The following CDC45 variants were observed in gnomAD, a reference collection of about 807,000 sequenced individuals.
The protein encoded by CDC45 is cell division cycle 45.
Under a neutral mutation model 77.8 loss-of-function variants are expected in CDC45, and 54 were observed. The ratio of observed to expected loss-of-function variants is 0.69; its 90% CI spans 0.56 to 0.87. The LOEUF is 0.87. Among genes scored for constraint, CDC45 ranks in the 40% least tolerant of loss-of-function variants. The probability of loss-of-function intolerance (pLI) is 0.00; values close to 1 mark genes in which losing one functional copy is unlikely to be tolerated. For synonymous variants in CDC45, 260 were observed against 272.1 expected, an observed-to-expected ratio of 0.96 and a Z score of 0.44; for missense variants, 649 against 721.6, an observed-to-expected ratio of 0.90 and a Z score of 1.15.
In CDC45 at chr22:19,480,180, C is replaced by T. The variant is rs2089953249; in HGVS notation, c.74C>T (p.Ser25Leu). 3 of 1,613,904 alleles carry T rather than the reference C, an allele frequency of 1.9e-6. No homozygotes were observed. The African/African-American group carries it at 4.0e-5, about 22-fold the overall frequency. Residue 25 changes from serine to leucine, a missense_variant, in exon 2 of 19, where the codon TCG becomes TTG. Transcript: ENST00000263201. ...TAGAGGGTCCTTCTCTTCGTGGCCT[C>T]GGACGTGGATGCTCTGTGTGCGTGC... Reference protein sequence around the residue: ...QSQRVLLFVASDVDALCACKI... With the variant: ...QSQRVLLFVALDVDALCACKI...
At chr22:19,516,366 A>C in intron 15 of CDC45, 161 bp from the exon 16 acceptor site, 1 of 671,418 alleles carries the variant, frequency 1.5e-6, no homozygotes, top group South Asian at 1.7e-5. Flanking sequence ...GGCCTTGGGC[A>C]TCTAACTTGG....
At chr22:19,493,999 T>C (rs1203406627) in intron 5 of CDC45, among the ~76,000 whole-genome samples, 3 of 152,142 alleles carry the variant, frequency 2.0e-5, no homozygotes, top group Admixed American at 2.0e-4. Flanking sequence ...ACAAAGTGGG[T>C]GTGAGCTTAC....
At chr22:19,503,169 AAAAAG>A (rs1292443706) in intron 9 of CDC45, among the ~76,000 whole-genome samples, 8 of 152,160 alleles carry the variant, frequency 5.3e-5, no homozygotes, top group Non-Finnish European at 7.3e-5. Flanking sequence ...CCTGTTTTAA[AAAAAG>A]AAAGCAGGCA....
At chr22:19,487,691 A>T (rs1338059045) in intron 5 of CDC45, among the ~76,000 whole-genome samples, 7 of 151,934 alleles carry the variant, frequency 4.6e-5, no homozygotes, top group African/African-American at 1.7e-4. Context: ...AGGTGGGTGG[A>T]TCACGAGGTC....
intron 13 of CDC45, among the ~76,000 whole-genome samples, chr22:19,510,261 G>C (rs1165570568): frequency 6.6e-6 from 1 of 151,932 alleles, no homozygotes; most frequent in Non-Finnish European, 1.5e-5. Flanking sequence ...TGCCCAGCCT[G>C]CAATGACTTT....
chr22:19,507,861 T>G lies in CDC45; in HGVS notation c.1052T>G (p.Phe351Cys), dbSNP rs780209184. ...REMIEESANK[F>C]GMKDMRVQTF... ...ATGATTGAAGAGTCTGCAAATAAAT[T>G]TGGGTAAACACACATTTTTCTGGAT... The change falls in exon 12 of 19, where the codon TTT (phenylalanine) becomes TGT (cysteine). Residue 351 changes from phenylalanine to cysteine, a missense_variant. Phe to Cys is a radical substitution (Grantham distance 205, BLOSUM62 -2). Coordinates refer to ENST00000263201, the MANE Select transcript of CDC45 (RefSeq NM_003504.5). 3 of 1,593,522 alleles carry G rather than the reference T, an allele frequency of 1.9e-6. No homozygotes were observed. The highest frequency in any genetic ancestry group is 2.6e-6 in the Non-Finnish European group (3 of 1,168,496).
chr22:19,479,521 T>G (rs13447178), upstream of CDC45: 2 of 569,618 alleles, frequency 3.5e-6, no homozygotes, highest in Non-Finnish European at 6.8e-6. Flanking sequence ...TACAAATCCT[T>G]CTTCAAACCA....
At chr22:19,506,258 G>C (rs1162993239) in intron 10 of CDC45, among the ~76,000 whole-genome samples, 1 of 152,178 alleles carries the variant, frequency 6.6e-6, no homozygotes, top group African/African-American at 2.4e-5. Flanking sequence ...GTGGCCATCG[G>C]AGCCTGGGGA....
At chr22:19,485,962 G>A (rs140177263) in intron 5 of CDC45, among the ~76,000 whole-genome samples, 52 of 152,288 alleles carry the variant, frequency 3.4e-4, no homozygotes, top group African/African-American at 1.1e-3. Context: ...TTCTTTCTGT[G>A]TATTCTTTTT....
chr22:19,494,632 C>A (rs1183285843), intron 6 of CDC45: 5 of 1,393,612 alleles, frequency 3.6e-6, no homozygotes, highest in Admixed American at 2.0e-5. Context: ...GACCATGGCC[C>A]TGGCTCTTTA....
At chr22:19,486,224 C>A (rs1375518390) in intron 5 of CDC45, among the ~76,000 whole-genome samples, 5 of 152,170 alleles carry the variant, frequency 3.3e-5, no homozygotes, top group Non-Finnish European at 5.9e-5. Context: ...TCATAAGCAG[C>A]TCCTAAGAAT....
chr22:19,499,165 C>T lies in CDC45; in HGVS notation c.704+14C>T. 6.2e-7 allele frequency: 1 copy of T among 1,613,784 alleles called. No homozygotes were observed. The highest frequency in any genetic ancestry group is 8.5e-7 in the Non-Finnish European group (1 of 1,179,736). ...CAAGATCACTCAGTAAGGACACACT[C>T]CCTTGCCTTGCAGGGTCAGCCCTGT... On this transcript the variant is annotated intron_variant, in intron 9 of 18. Transcript: ENST00000263201.
At chr22:19,510,446 T>G (rs1023695192) in intron 13 of CDC45, among the ~76,000 whole-genome samples, 1 of 152,218 alleles carries the variant, frequency 6.6e-6, no homozygotes, top group Non-Finnish European at 1.5e-5. Flanking sequence ...ATATAAGATA[T>G]GGTTCTTTGT....
At chr22:19,485,445 G>C (rs1412567245) in intron 5 of CDC45, among the ~76,000 whole-genome samples, 1 of 152,210 alleles carries the variant, frequency 6.6e-6, no homozygotes, top group African/African-American at 2.4e-5. Context: ...ATGGAGCCAA[G>C]AGGATTCCTG....
chr22:19,512,940 G>A (rs1601984390), intron 13 of CDC45, among the ~76,000 whole-genome samples: 1 of 152,302 alleles, frequency 6.6e-6, no homozygotes, highest in African/African-American at 2.4e-5. Flanking sequence ...TGGCAGAAGG[G>A]GAGCTGGTGG....
chr22:19,502,501 C>T (rs1051236184), intron 9 of CDC45, among the ~76,000 whole-genome samples: 28 of 152,158 alleles, frequency 1.8e-4, no homozygotes, highest in African/African-American at 6.3e-4. Context: ...TTTATTTTAA[C>T]CCACATACAC....
chr22:19,480,091 G>A, intron 1 of CDC45, 67 bp from the exon 2 acceptor site: 2 of 1,612,078 alleles, frequency 1.2e-6, no homozygotes, highest in Non-Finnish European at 1.7e-6. Context: ...GACCGTGGGT[G>A]ACCGGGAGGC....
chr22:19,499,635 C>T (rs2090304883), intron 9 of CDC45, among the ~76,000 whole-genome samples: 1 of 152,138 alleles, frequency 6.6e-6, no homozygotes, highest in Non-Finnish European at 1.5e-5. Flanking sequence ...CCCCTTTTGC[C>T]CTCAGTGGTG....
chr22:19,485,994 T>C (rs1224281853), intron 5 of CDC45, among the ~76,000 whole-genome samples: 1 of 152,258 alleles, frequency 6.6e-6, no homozygotes, highest in Non-Finnish European at 1.5e-5. Flanking sequence ...TGAGAATAGA[T>C]TGCAGAAACT....
Sources: gnomAD v4.1 joint callset for allele counts (sites outside exome capture counted in the v4.1 genomes callset) on GRCh38, gnomAD v4.1.1 for gene constraint, MANE v1.5 for transcripts, NCBI Gene and HGNC (gene_info 2026-07-23, HGNC 2026-07-21) for gene names.